Variants in LRRC7 observed in about 807,000 individuals in gnomAD.
LRRC7 encodes leucine-rich repeat-containing protein 7.
LRRC7 carries 23 observed loss-of-function variants against 175.7 expected under a neutral mutation model. The ratio of observed to expected loss-of-function variants is 0.13; its 90% CI spans 0.09 to 0.19. The LOEUF is 0.19. Ranked by LOEUF, LRRC7 falls within the 10% of genes least tolerant of loss-of-function variation. The pLI, the probability that LRRC7 is intolerant of heterozygous loss-of-function variation, is 1.00. For synonymous variants in LRRC7, 685 were observed against 680.9 expected (o/e 1.01, Z -0.09); for missense variants, 1,354 against 1,904.7 (o/e 0.71, Z 5.38).
intron 4 of LRRC7, among the ~76,000 whole-genome samples, chr1:69,806,352 A>G (rs1307711197): frequency 6.6e-6 from 1 of 152,010 alleles, no homozygotes; most frequent in African/African-American, 2.4e-5. Flanking sequence ...AAATTAACTC[A>G]TTTAGACTAA....
chr1:69,760,168 G>A, intron 2 of LRRC7, 23 bp from the exon 3 acceptor site: 1 of 1,609,670 alleles, frequency 6.2e-7, no homozygotes. Flanking sequence ...GTTTTGTTTT[G>A]TTTTGTTTCT....
At chr1:69,816,087 T>G (rs1678559893) in intron 4 of LRRC7, among the ~76,000 whole-genome samples, 1 of 152,020 alleles carries the variant, frequency 6.6e-6, no homozygotes, top group African/African-American at 2.4e-5. Flanking sequence ...TTCAAGCAAT[T>G]CTGCCTCAGC....
intron 2 of LRRC7, among the ~76,000 whole-genome samples, chr1:69,727,478 T>C (rs897551519): frequency 3.3e-4 from 50 of 152,240 alleles, no homozygotes; most frequent in African/African-American, 1.2e-3. Flanking sequence ...TGTCCTGCAA[T>C]TAAGTAGCTG....
chr1:69,830,805 C>G (rs1032848086), intron 5 of LRRC7, among the ~76,000 whole-genome samples: 8 of 151,786 alleles, frequency 5.3e-5, no homozygotes, highest in African/African-American at 1.7e-4. Context: ...AAGAAAAGTT[C>G]AATAGAAAAT....
chr1:70,043,710 C>A (rs1660105181), intron 21 of LRRC7, among the ~76,000 whole-genome samples: 1 of 152,140 alleles, frequency 6.6e-6, no homozygotes, highest in Non-Finnish European at 1.5e-5. Flanking sequence ...GAGTTAGCAG[C>A]AGATGTAAAA....
At chr1:69,781,909 A>AGAAG in intron 3 of LRRC7, among the ~76,000 whole-genome samples, 1 of 138,298 alleles carries the variant, frequency 7.2e-6, no homozygotes, top group Non-Finnish European at 1.6e-5. Flanking sequence ...GAAAGAAAGA[A>AGAAG]AAAGAAGAAA....
intron 3 of LRRC7, among the ~76,000 whole-genome samples, chr1:69,780,491 G>A (rs984833357): frequency 3.3e-5 from 5 of 152,114 alleles, no homozygotes; most frequent in African/African-American, 1.2e-4. Context: ...GGATAGAAGG[G>A]AGGAAGAAAG....
In LRRC7 at chr1:69,781,699, G is replaced by GA. The variant is rs200783706; in HGVS notation, c.304-10341dup. Among the ~76,000 whole-genome samples the GA allele has an allele frequency of 1.5e-3, 32 of 21,820 alleles. 1 individual carries two copies. The highest frequency in any genetic ancestry group is 2.0e-3 in the Non-Finnish European group (26 of 12,934). 14.3% of individuals were successfully genotyped at this position (21,820 alleles called of 152,430 possible). ...TGTCTCAAAAAAAAGAAGAAAGAAA[G>GA]AAAGAAAGAAAGAAAGAAAGAAAGA... On this transcript the variant is annotated intron_variant, in intron 3 of 26. Coordinates refer to ENST00000651989, the MANE Select transcript of LRRC7 (RefSeq NM_001370785.2).
chr1:69,735,511 G>C (rs547209988), intron 2 of LRRC7, among the ~76,000 whole-genome samples: 3 of 151,976 alleles, frequency 2.0e-5, no homozygotes, highest in Non-Finnish European at 2.9e-5. Flanking sequence ...ATATTAATTT[G>C]TCCCACAACT....
chr1:70,010,974 A>G (rs1656450781), intron 11 of LRRC7, among the ~76,000 whole-genome samples: 1 of 152,182 alleles, frequency 6.6e-6, no homozygotes, highest in Admixed American at 6.5e-5. Flanking sequence ...ATCCATTTCC[A>G]TTACTTGTCA....
intron 8 of LRRC7, among the ~76,000 whole-genome samples, chr1:69,962,630 G>A (rs1047269653): frequency 1.3e-5 from 2 of 152,220 alleles, no homozygotes; most frequent in African/African-American, 4.8e-5. Flanking sequence ...TATACACCAA[G>A]GAATACTATG....
Position 70,038,806 on chromosome 1 carries a change from T to C in LRRC7, c.2982T>C (p.Gly994=), listed in dbSNP as rs1294064998. Residue 994 remains glycine (G), a synonymous_variant, in exon 21 of 27, where the codon GGT becomes GGC. Coordinates refer to ENST00000651989, the MANE Select transcript of LRRC7 (RefSeq NM_001370785.2). ...KSQSIDEIDI[G]TYKVYNIPLE... ...AGAGTATCGATGAGATTGACATTGG[T>C]ACATATAAGGTGTATAACATACCAT... 2 of 1,613,942 alleles carry C rather than the reference T, an allele frequency of 1.2e-6. No individual in the cohort carries two copies. The highest frequency in any genetic ancestry group is 8.5e-7 in the Non-Finnish European group (1 of 1,180,006).
intron 4 of LRRC7, among the ~76,000 whole-genome samples, chr1:69,798,500 T>G (rs1676069860): frequency 6.6e-6 from 1 of 152,164 alleles, no homozygotes; most frequent in Non-Finnish European, 1.5e-5. Flanking sequence ...TAAAAATGCT[T>G]GATAGCTACA....
At chr1:69,838,162 G>A (rs550485768) in intron 6 of LRRC7, 65 bp from the exon 7 acceptor site, 1 of 1,102,040 alleles carries the variant, frequency 9.1e-7, no homozygotes, top group Non-Finnish European at 1.4e-6. Context: ...CCAAATACTA[G>A]ATCTTATTCA....
At chr1:69,641,985 A>G (rs1654285165) in intron 1 of LRRC7, among the ~76,000 whole-genome samples, 1 of 151,910 alleles carries the variant, frequency 6.6e-6, no homozygotes. Flanking sequence ...TTAGAGCTTC[A>G]TGGTTGGTAG....
chr1:69,613,218 T>C (rs61782216), intron 1 of LRRC7, among the ~76,000 whole-genome samples: 8,115 of 152,150 alleles, frequency 0.053, 253 homozygotes, highest in Admixed American at 0.068. Flanking sequence ...AGGGCCTTCC[T>C]TCCTGATTTG....
intron 2 of LRRC7, among the ~76,000 whole-genome samples, chr1:69,683,212 C>G (rs1012386445): frequency 6.6e-6 from 1 of 152,106 alleles, no homozygotes; most frequent in Admixed American, 6.6e-5. Flanking sequence ...TACATTTCTT[C>G]CCCTTTTCTC....
chr1:69,858,363 C>G (rs1391029496), intron 7 of LRRC7, among the ~76,000 whole-genome samples: 1 of 152,102 alleles, frequency 6.6e-6, no homozygotes, highest in Non-Finnish European at 1.5e-5. Context: ...ATCTACTCAT[C>G]TGACAAAGGA....
chr1:69,887,691 A>ATG (rs1645685165), intron 7 of LRRC7, among the ~76,000 whole-genome samples: 1 of 148,486 alleles, frequency 6.7e-6, no homozygotes, highest in Non-Finnish European at 1.5e-5. Flanking sequence ...GAGGAGAGGC[A>ATG]CTCTGTGTTT....
Sources: allele counts gnomAD v4.1 joint callset (sites outside exome capture counted in the v4.1 genomes callset), GRCh38; gene constraint gnomAD v4.1.1; transcripts MANE v1.5; gene names NCBI Gene and HGNC (gene_info 2026-07-23, HGNC 2026-07-21).